DHRS13: variants seen among roughly 807,000 people sequenced by gnomAD.
DHRS13 encodes the protein dehydrogenase/reductase SDR family member 13.
DHRS13 carries 22 observed loss-of-function variants against 17.9 expected under a neutral mutation model. That is an observed-to-expected ratio of 1.23 (90% CI 0.88 to 1.75). The LOEUF is 1.75. Ranked by LOEUF, DHRS13 falls within the 40% of genes most tolerant of loss-of-function variation. The pLI is 0.00. For missense variants in DHRS13, 483 were observed against 519.9 expected, an observed-to-expected ratio of 0.93 and a Z score of 0.69; for synonymous variants, 206 against 220.4, an observed-to-expected ratio of 0.93 and a Z score of 0.58.
At position 28,901,150 on chromosome 17, in the gene DHRS13, A is replaced by T; in HGVS notation, c.522T>A (p.Cys174Ter). The change falls in exon 4 of 5, where the codon TGT becomes TGA. Residue 174 changes from cysteine (C) to a stop codon, truncating the protein, a stop_gained. Transcript: ENST00000378895. LOFTEE classifies it high-confidence loss of function. The surrounding 1 kb of genome is among the most constrained non-coding windows in gnomAD (Gnocchi z 4.3). ...GGCGTTTGAAGTCAAGACGTCCCCGACAGTGGGCAGCTGAGGCTACCACCA... is the reference window on the plus strand; with the variant it reads ...GGCGTTTGAAGTCAAGACGTCCCCGTCAGTGGGCAGCTGAGGCTACCACCA... ...RVVVVASAAH[C>*]RGRLDFKRLD... 1 of 1,614,172 alleles carries T rather than the reference A, an allele frequency of 6.2e-7. No individual in the cohort carries two copies. Among genetic ancestry groups the T allele is most frequent in the South Asian group, 1.1e-5 (1 of 91,090 alleles).
Position 28,902,934 on chromosome 17 carries a change from AGCGCCTCCATGCCGGCC to A in DHRS13, c.-7_10del. 1 of 1,543,322 alleles carries A rather than the reference AGCGCCTCCATGCCGGCC, an allele frequency of 6.5e-7. No individual in the cohort carries two copies. The highest frequency in any genetic ancestry group is 8.7e-7 in the Non-Finnish European group (1 of 1,152,678). ...CAGCAGCAACCCCGCGCCCAGCAGC[AGCGCCTCCATGCCGGCC>A]GCGCCTCCCGGCTCCCGCCCAGGCC... On this transcript the variant is annotated start_lost and 5_prime_UTR_variant, in exon 1 of 5. Transcript: ENST00000378895. This position sits in a 1 kb window ranked among gnomAD's most constrained non-coding sequence, Gnocchi z 4.0.
intron 4 of DHRS13, 97 bp downstream of exon 4, chr17:28,900,893 T>G: frequency 2.3e-6 from 3 of 1,288,020 alleles, no homozygotes; most frequent in Non-Finnish European, 3.2e-6. Context: ...TGTGACTCAA[T>G]GAGGGATGGA....
In DHRS13 at chr17:28,902,945, G is replaced by GCCGGCCGCGCCTCCCGGCTC. The variant is rs1295820459; in HGVS notation, c.-21_-2dup. The GCCGGCCGCGCCTCCCGGCTC allele has an allele frequency of 2.0e-6, 3 of 1,524,732 alleles. No individual in the cohort carries two copies. The highest frequency in any genetic ancestry group is 2.6e-6 in the Non-Finnish European group (3 of 1,143,276). 94.5% of individuals were successfully genotyped at this position (1,524,732 alleles called of 1,614,324 possible). On this transcript the variant is annotated 5_prime_UTR_variant, in exon 1 of 5. Coordinates refer to ENST00000378895, the MANE Select transcript of DHRS13 (RefSeq NM_144683.4). This position sits in a 1 kb window ranked among gnomAD's most constrained non-coding sequence, Gnocchi z 4.0. ...CCGCGCCCAGCAGCAGCGCCTCCAT[G>GCCGGCCGCGCCTCCCGGCTC]CCGGCCGCGCCTCCCGGCTCCCGCC...
chr17:28,899,052 A>C lies in DHRS13; in HGVS notation c.683-160T>G. ...CTCTGTCTCTTTAAAAAAAAAAACA[A>C]CAACAAAAAAAATAGAACAGAGCTA... On this transcript the variant is annotated intron_variant, in intron 4 of 4. Coordinates refer to ENST00000378895, the MANE Select transcript of DHRS13 (RefSeq NM_144683.4). This position sits in a 1 kb window ranked among gnomAD's most constrained non-coding sequence, Gnocchi z 4.7. The C allele has an allele frequency of 3.2e-6, 2 of 621,042 alleles. No homozygotes were observed. The highest frequency in any genetic ancestry group is 5.3e-6 in the Non-Finnish European group (2 of 379,112). The allele number at this position is 621,042 out of a possible 1,614,324, so 38.5% of individuals were successfully genotyped here.
At chr17:28,900,549 T>A (rs939850782) in intron 4 of DHRS13, among the ~76,000 whole-genome samples, 2 of 152,182 alleles carry the variant, frequency 1.3e-5, no homozygotes, top group African/African-American at 4.8e-5. Context: ...CTCCCTCTCC[T>A]CCAAACTAGA....
At position 28,902,911 on chromosome 17, in the gene DHRS13, G is replaced by A. The variant is rs945386289; in HGVS notation, c.34C>T (p.Leu12=). ...TAGTAGACAAGCACGTAAGCGCCCAGCAGCAACCCCGCGCCCAGCAGCAGC... is the reference window on the plus strand; with the variant it reads ...TAGTAGACAAGCACGTAAGCGCCCAACAGCAACCCCGCGCCCAGCAGCAGC... ...EALLLGAGLL[L]GAYVLVYYNL... is the part of the protein sequence containing the mutation. The change falls in exon 1 of 5, where the codon CTG becomes TTG. Residue 12 remains leucine (L), a synonymous_variant. Transcript: ENST00000378895. This position sits in a 1 kb window ranked among gnomAD's most constrained non-coding sequence, Gnocchi z 4.0. 3 of 1,551,550 alleles carry A rather than the reference G, an allele frequency of 1.9e-6. No individual in the cohort carries two copies. Among genetic ancestry groups the A allele is most frequent in the Non-Finnish European group, 2.6e-6 (3 of 1,156,968 alleles).
chr17:28,900,273 C>A (rs558527064), intron 4 of DHRS13, among the ~76,000 whole-genome samples: 47 of 152,338 alleles, frequency 3.1e-4, no homozygotes, highest in African/African-American at 1.1e-3. Flanking sequence ...AAGTGATCTA[C>A]CAGCCTTGGC....
In DHRS13 at chr17:28,898,836, A is replaced by T. The variant is rs1164029856; in HGVS notation, c.739T>A (p.Leu247Met). ...AGCACCAGCCAAGCCAATGGGCGCAAAAGTGGGCGCAGCCATCCAGGAACA... is the reference window on the plus strand; with the variant it reads ...AGCACCAGCCAAGCCAATGGGCGCATAAGTGGGCGCAGCCATCCAGGAACA... ...RHVPGWLRPL[L>M]RPLAWLVLRA... The change falls in exon 5 of 5, where the codon TTG (leucine) becomes ATG (methionine). Residue 247 changes from leucine to methionine, a missense_variant. Leu to Met is a conservative substitution (Grantham distance 15). Coordinates refer to ENST00000378895, the MANE Select transcript of DHRS13 (RefSeq NM_144683.4). The T allele has an allele frequency of 6.2e-7, 1 of 1,607,742 alleles. No individual in the cohort carries two copies. Among genetic ancestry groups the T allele is most frequent in the Non-Finnish European group, 8.5e-7 (1 of 1,176,848 alleles).
Position 28,899,730 on chromosome 17 carries a change from C to CA in DHRS13, c.683-839dup. On this transcript the variant is annotated intron_variant, in intron 4 of 4. Transcript: ENST00000378895. This position sits in a 1 kb window ranked among gnomAD's most constrained non-coding sequence, Gnocchi z 4.7. ...CACTTACTTTTTTCTGTTTTGGAGA[C>CA]AGAGTCTCGCTCTGTCACCCAGGCT... Among the ~76,000 whole-genome samples the CA allele has an allele frequency of 6.6e-6, 1 of 152,118 alleles. No individual in the cohort carries two copies. Among genetic ancestry groups the CA allele is most frequent in the East Asian group, 1.9e-4 (1 of 5,200 alleles).
chr17:28,898,677 C>G lies in DHRS13; in HGVS notation c.898G>C (p.Ala300Pro), dbSNP rs769973516. 6.2e-7 allele frequency: 1 copy of G among 1,613,572 alleles called. No homozygotes were observed. The highest frequency in any genetic ancestry group is 8.5e-7 in the Non-Finnish European group (1 of 1,179,780). Residue 300 changes from alanine to proline, a missense_variant, in exon 5 of 5, where the codon GCC becomes CCC. By Grantham distance (27) the Ala-to-Pro change is conservative. Coordinates refer to ENST00000378895, the MANE Select transcript of DHRS13 (RefSeq NM_144683.4). Reference protein sequence around the residue: ...VPPAARDDRAAHRLWEASKRL... With the variant: ...VPPAARDDRAPHRLWEASKRL... ...TTGCTGGCCTCCCATAGCCGATGGG[C>G]TGCCCGGTCGTCTCGGGCAGCTGGA...
chr17:28,900,839 A>C, intron 4 of DHRS13, 151 bp downstream of exon 4: 3 of 869,078 alleles, frequency 3.5e-6, no homozygotes, highest in Non-Finnish European at 5.2e-6. Flanking sequence ...GCAGCAAGGA[A>C]CAGGTCTCTC....
rs74441216 is a variant in DHRS13, at chr17:28,901,055, A to G, written c.617T>C (p.Leu206Pro). 5.0e-6 allele frequency: 8 copies of G among 1,613,802 alleles called. No homozygotes were observed. The highest frequency in any genetic ancestry group is 4.0e-5 in the African/African-American group (3 of 75,044). Residue 206 changes from leucine (L) to proline (P), a missense_variant, in exon 4 of 5, where the codon CTG (leucine) becomes CCG (proline). By Grantham distance (98) the Leu-to-Pro change is moderately conservative. Transcript: ENST00000378895. The surrounding 1 kb of genome is among the most constrained non-coding windows in gnomAD (Gnocchi z 4.3). ...CTGGTTGGCGAGCTCCCGGGCAAAC[A>G]GTACATTAGCCAGCTTAGTGTCAGC... ...AYADTKLANV[L>P]FARELANQLE... is the part of the protein sequence containing the mutation.
chr17:28,902,936 C>T lies in DHRS13; in HGVS notation c.9G>A (p.Ala3=), dbSNP rs2039819765. ...GCAGCAACCCCGCGCCCAGCAGCAG[C>T]GCCTCCATGCCGGCCGCGCCTCCCG... is the stretch of plus-strand genomic sequence containing the variant. ME[A]LLLGAGLLLG... Residue 3 remains alanine (A), a synonymous_variant, in exon 1 of 5, where the codon GCG becomes GCA. Transcript: ENST00000378895. The surrounding 1 kb of genome is among the most constrained non-coding windows in gnomAD (Gnocchi z 4.0). 1.9e-6 allele frequency: 3 copies of T among 1,539,818 alleles called. No homozygotes were observed. The highest frequency in any genetic ancestry group is 1.9e-5 in the Admixed American group (1 of 53,992).
chr17:28,901,138 A>C lies in DHRS13; in HGVS notation c.534T>G (p.Leu178=). Residue 178 remains leucine (L), a synonymous_variant, in exon 4 of 5, where the codon CTT becomes CTG. Coordinates refer to ENST00000378895, the MANE Select transcript of DHRS13 (RefSeq NM_144683.4). This position sits in a 1 kb window ranked among gnomAD's most constrained non-coding sequence, Gnocchi z 4.3. The part of the protein sequence containing the change: ...VASAAHCRGR[L]DFKRLDRPVV... Reference sequence around the variant, plus strand: ...CTGGGCGGTCCAGGCGTTTGAAGTCAAGACGTCCCCGACAGTGGGCAGCTG... The same window carrying C: ...CTGGGCGGTCCAGGCGTTTGAAGTCCAGACGTCCCCGACAGTGGGCAGCTG... 6.2e-7 allele frequency: 1 copy of C among 1,614,162 alleles called. No individual in the cohort carries two copies. The highest frequency in any genetic ancestry group is 2.2e-5 in the East Asian group (1 of 44,884).
Position 28,902,548 on chromosome 17 carries a change from G to T in DHRS13, c.246+35C>A. ...CTTCTCTGTGTCCCGGCGGGTTCTC[G>T]GCTCACCGTCCCACGCGCCCCCGCT... On this transcript the variant is annotated intron_variant, in intron 2 of 4. Transcript: ENST00000378895. This position sits in a 1 kb window ranked among gnomAD's most constrained non-coding sequence, Gnocchi z 4.0. 1 of 1,456,558 alleles carries T rather than the reference G, an allele frequency of 6.9e-7. No homozygotes were observed. The highest frequency in any genetic ancestry group is 9.0e-7 in the Non-Finnish European group (1 of 1,112,184). 90.2% of individuals were successfully genotyped at this position (1,456,558 alleles called of 1,614,324 possible). A position where few individuals can be genotyped will look rare whatever the true frequency, so the allele number is the denominator to read the frequency against.
Position 28,898,418 on chromosome 17 carries a change from T to TG in DHRS13, c.*22dup. On this transcript the variant is annotated 3_prime_UTR_variant, in exon 5 of 5. Coordinates refer to ENST00000378895, the MANE Select transcript of DHRS13 (RefSeq NM_144683.4). ...GGTTTTCAAGGACCATGAAGTGCCA[T>TG]GGCAAGCATCCTGGCCTGAGGGTTA... The TG allele has an allele frequency of 6.5e-7, 1 of 1,544,146 alleles. No homozygotes were observed. Among genetic ancestry groups the TG allele is most frequent in the Middle Eastern group, 1.7e-4 (1 of 5,962 alleles).
chr17:28,902,757 G>A lies in DHRS13; in HGVS notation c.128-56C>T, dbSNP rs987105594. ...CTGAGCCCGGCGGGCCGCTGCTACCGCCGGCCCGGCCTCCTCTCCGCGCGC... is the reference window on the plus strand; with the variant it reads ...CTGAGCCCGGCGGGCCGCTGCTACCACCGGCCCGGCCTCCTCTCCGCGCGC... On this transcript the variant is annotated intron_variant, in intron 1 of 4. Transcript: ENST00000378895. This position sits in a 1 kb window ranked among gnomAD's most constrained non-coding sequence, Gnocchi z 4.0. 1 of 1,397,288 alleles carries A rather than the reference G, an allele frequency of 7.2e-7. No individual in the cohort carries two copies. 86.6% of individuals were successfully genotyped at this position (1,397,288 alleles called of 1,614,324 possible). A position where few individuals can be genotyped will look rare whatever the true frequency, so the allele number is the denominator to read the frequency against.
rs1567941670 is a variant in DHRS13 at position 28,898,886 on chromosome 17, AC to A, written c.688del (p.Val230Ter). Reference sequence around the variant, plus strand: ...ATGGCGCAGGAACAGCTCCGAGTTCACAGGCCCTGTAGGCAGGAAGAAAGAA... The same window carrying A: ...ATGGCGCAGGAACAGCTCCGAGTTCAAGGCCCTGTAGGCAGGAAGAAAGAA... ...VTCYAAHPGPVNSELFLRHVP... is the reference protein window; with the variant it reads ...VTCYAAHPGPXNSELFLRHVP... On this transcript the variant is annotated frameshift_variant, in exon 5 of 5. Coordinates refer to ENST00000378895, the MANE Select transcript of DHRS13 (RefSeq NM_144683.4). LOFTEE classifies it low-confidence loss of function (END_TRUNC). 6 of 1,580,920 alleles carry A rather than the reference AC, an allele frequency of 3.8e-6. No homozygotes were observed. In the Admixed American group the frequency reaches 1.1e-4, roughly 29 times the overall value.
rs1178200735 is a variant in DHRS13, at chr17:28,901,264, G to T, written c.408C>A (p.Asn136Lys). 2 of 1,613,574 alleles carry T rather than the reference G, an allele frequency of 1.2e-6. No homozygotes were observed. Among genetic ancestry groups the T allele is most frequent in the East Asian group, 2.2e-5 (1 of 44,880 alleles). Reference protein sequence around the residue: ...SSCGRTREAFNLLLRVNHIGP... With the variant: ...SSCGRTREAFKLLLRVNHIGP... ...CGATATGGTTCACCCGAAGCAGCAG[G>T]TTAAACGCCTCACGGGTCCGGCCAC... The change falls in exon 4 of 5, where the codon AAC becomes AAA. Residue 136 changes from asparagine to lysine, a missense_variant. Transcript: ENST00000378895. The surrounding 1 kb of genome is among the most constrained non-coding windows in gnomAD (Gnocchi z 4.3).
Sources: gnomAD v4.1 joint callset for allele counts (sites outside exome capture counted in the v4.1 genomes callset) on GRCh38, gnomAD v4.1.1 for gene constraint, Gnocchi (gnomAD v3.1) non-coding constraint, MANE v1.5 for transcripts, NCBI Gene and HGNC (gene_info 2026-07-23, HGNC 2026-07-21) for gene names.